Variants in GRM1 observed in about 807,000 individuals in gnomAD.
GRM1 encodes the protein metabotropic glutamate receptor 1.
Under a neutral mutation model 90.9 loss-of-function variants are expected in GRM1, and 33 were observed. That is an observed-to-expected ratio of 0.36 (90% CI 0.28 to 0.49). GRM1 has a LOEUF of 0.49. Ranked by LOEUF, GRM1 falls within the 20% of genes least tolerant of loss-of-function variation. The pLI is 0.99. For missense variants in GRM1, 1,190 were observed against 1,534.3 expected, an observed-to-expected ratio of 0.78 and a Z score of 3.75; for synonymous variants, 700 against 613.2, an observed-to-expected ratio of 1.14 and a Z score of -2.09.
At chr6:146,350,719 CT>C (rs1785375514) in intron 3 of GRM1, among the ~76,000 whole-genome samples, 1 of 152,064 alleles carries the variant, frequency 6.6e-6, no homozygotes, top group African/African-American at 2.4e-5. Flanking sequence ...GAAGGAGGAT[CT>C]TTTCTTTCTT....
chr6:146,304,858 T>C lies in GRM1; in HGVS notation c.1186+12T>C. On this transcript the variant is annotated intron_variant, in intron 3 of 7. Transcript: ENST00000282753. ...ACGAATCTGCACAGGTAACTCATGTTCACAAAATAACAACTCAGAGGTTTG... is the reference window on the plus strand; with the variant it reads ...ACGAATCTGCACAGGTAACTCATGTCCACAAAATAACAACTCAGAGGTTTG... 6.5e-7 allele frequency: 1 copy of C among 1,542,214 alleles called. No homozygotes were observed. Among genetic ancestry groups the C allele is most frequent in the Non-Finnish European group, 9.0e-7 (1 of 1,114,496 alleles).
At chr6:146,047,586 A>G (rs1011404144) in intron 1 of GRM1, among the ~76,000 whole-genome samples, 2 of 151,742 alleles carry the variant, frequency 1.3e-5, no homozygotes, top group African/African-American at 4.8e-5. Context: ...AAAAAAAAAA[A>G]AAAAACCTGC....
chr6:146,055,398 A>G (rs1562433234), intron 1 of GRM1, among the ~76,000 whole-genome samples: 1 of 152,090 alleles, frequency 6.6e-6, no homozygotes, highest in Non-Finnish European at 1.5e-5. Context: ...AATTTTTAGG[A>G]AAGCGTGCTC....
intron 1 of GRM1, among the ~76,000 whole-genome samples, chr6:146,110,696 G>T (rs1420180614): frequency 6.6e-6 from 1 of 152,080 alleles, no homozygotes; most frequent in Non-Finnish European, 1.5e-5. Flanking sequence ...GTTATTTTCT[G>T]TAAATGCTTG....
intron 6 of GRM1, among the ~76,000 whole-genome samples, chr6:146,388,241 G>A (rs1776579971): frequency 1.3e-5 from 2 of 151,966 alleles, no homozygotes; most frequent in African/African-American, 4.8e-5. Context: ...GGGAGCTGAG[G>A]CCTAGAGACG....
At chr6:146,122,839 C>CTTTTTTTTTTTTTTTTTTTTTTTTTTTCT (rs57859188) in intron 1 of GRM1, among the ~76,000 whole-genome samples, 1 of 62,200 alleles carries the variant, frequency 1.6e-5, no homozygotes. Flanking sequence ...TCTTTTCTTT[C>CTTTTTTTTTTTTTTTTTTTTTTTTTTTCT]TTTTTTTTTT....
chr6:146,306,134 T>C (rs1179617196), intron 3 of GRM1, among the ~76,000 whole-genome samples: 1 of 152,180 alleles, frequency 6.6e-6, no homozygotes, highest in African/African-American at 2.4e-5. Context: ...AGTTTCAATC[T>C]TTTAGAACTT....
intron 5 of GRM1, 129 bp from the exon 6 acceptor site, chr6:146,386,761 C>A: frequency 4.3e-6 from 3 of 700,594 alleles, no homozygotes; most frequent in Non-Finnish European, 7.5e-6. Flanking sequence ...TAAGATTCCT[C>A]AGCATATAAG....
intron 3 of GRM1, among the ~76,000 whole-genome samples, chr6:146,337,987 G>C (rs1784835787): frequency 6.6e-6 from 1 of 152,124 alleles, no homozygotes; most frequent in Non-Finnish European, 1.5e-5. Context: ...TAAAATACAT[G>C]CTATGATTTT....
chr6:146,350,656 G>A (rs954761003), intron 3 of GRM1, among the ~76,000 whole-genome samples: 1 of 152,106 alleles, frequency 6.6e-6, no homozygotes, highest in Non-Finnish European at 1.5e-5. Context: ...AAGGGCCATG[G>A]GTTCTGAGTG....
At chr6:146,280,174 A>G (rs1233297986) in intron 2 of GRM1, among the ~76,000 whole-genome samples, 15 of 152,108 alleles carry the variant, frequency 9.9e-5, no homozygotes, top group Admixed American at 9.8e-4. Flanking sequence ...CCACCCACCA[A>G]GACCCCAGCT....
chr6:146,287,090 T>C (rs1782794250), intron 2 of GRM1, among the ~76,000 whole-genome samples: 1 of 152,194 alleles, frequency 6.6e-6, no homozygotes. Context: ...AGATTATTGC[T>C]CGAATAATCT....
intron 1 of GRM1, among the ~76,000 whole-genome samples, chr6:146,093,211 A>C (rs1268628826): frequency 6.6e-6 from 1 of 152,138 alleles, no homozygotes; most frequent in African/African-American, 2.4e-5. Context: ...GTCAGATGGG[A>C]AAGCCTTGCT....
intron 1 of GRM1, among the ~76,000 whole-genome samples, chr6:146,086,868 A>G (rs577451804): frequency 1.3e-5 from 2 of 152,184 alleles, no homozygotes; most frequent in East Asian, 3.9e-4. Context: ...CGTGATCAAT[A>G]TAGCTCCAGG....
At chr6:146,405,770 A>G (rs1032044618) in intron 7 of GRM1, among the ~76,000 whole-genome samples, 1 of 152,170 alleles carries the variant, frequency 6.6e-6, no homozygotes, top group African/African-American at 2.4e-5. Context: ...TTATGACTTC[A>G]TCTAAACCTA....
chr6:146,368,310 T>C (rs1198173753), intron 5 of GRM1, among the ~76,000 whole-genome samples: 1 of 151,132 alleles, frequency 6.6e-6, no homozygotes, highest in African/African-American at 2.4e-5. Context: ...TATTATGTCA[T>C]CTGCAAACAA....
At chr6:146,097,058 T>C (rs1776897973) in intron 1 of GRM1, among the ~76,000 whole-genome samples, 1 of 152,124 alleles carries the variant, frequency 6.6e-6, no homozygotes, top group African/African-American at 2.4e-5. Context: ...TAAAAAGTGG[T>C]TCTGCTTATG....
intron 3 of GRM1, among the ~76,000 whole-genome samples, chr6:146,308,489 T>C (rs1783657821): frequency 6.6e-6 from 1 of 152,226 alleles, no homozygotes; most frequent in South Asian, 2.1e-4. Context: ...TTATATATTT[T>C]GTAATTGTAA....
At chr6:146,180,008 G>C (rs1398842019) in intron 2 of GRM1, among the ~76,000 whole-genome samples, 1 of 152,050 alleles carries the variant, frequency 6.6e-6, no homozygotes, top group Non-Finnish European at 1.5e-5. Context: ...ATTAACTGGA[G>C]TATGGTGGTG....
Sources: allele counts gnomAD v4.1 joint callset (sites outside exome capture counted in the v4.1 genomes callset), GRCh38; gene constraint gnomAD v4.1.1; transcripts MANE v1.5; gene names NCBI Gene and HGNC (gene_info 2026-07-23, HGNC 2026-07-21).